PCDHA1: variants seen among roughly 807,000 people sequenced by gnomAD.
PCDHA1 encodes the protein protocadherin alpha-1.
A neutral mutation model predicts 61.3 loss-of-function variants in PCDHA1; 42 were observed. The ratio of observed to expected loss-of-function variants is 0.69; its 90% CI spans 0.54 to 0.89. The LOEUF is 0.89. Among genes scored for constraint, PCDHA1 ranks in the 40% least tolerant of loss-of-function variants. PCDHA1 has a pLI of 0.00. For synonymous variants in PCDHA1, 610 were observed against 553.8 expected, an observed-to-expected ratio of 1.10 and a Z score of -1.43; for missense variants, 1,256 against 1,235.3, an observed-to-expected ratio of 1.02 and a Z score of -0.25.
At chr5:140,986,019 G>A (rs562523452) in intron 3 of PCDHA1, among the ~76,000 whole-genome samples, 66 of 152,154 alleles carry the variant, frequency 4.3e-4, no homozygotes, top group Middle Eastern at 3.4e-3. Flanking sequence ...GATTACAGGC[G>A]TGAGCCACTG....
At chr5:140,967,652 T>A in intron 1 of PCDHA1, 1 of 1,614,152 alleles carries the variant, frequency 6.2e-7, no homozygotes, top group South Asian at 1.1e-5. Flanking sequence ...CAGGTACTCC[T>A]TGAGCAGCTA....
At chr5:140,828,370 G>A (rs2150154603) in intron 1 of PCDHA1, 1 of 1,614,292 alleles carries the variant, frequency 6.2e-7, no homozygotes, top group South Asian at 1.1e-5. Context: ...TCGACCGCGA[G>A]GAGCTGTGCG....
chr5:140,928,068 C>T (rs1554205429), intron 1 of PCDHA1: 2 of 1,614,214 alleles, frequency 1.2e-6, no homozygotes, highest in Non-Finnish European at 1.7e-6. Context: ...CTTCCTTTGA[C>T]AACTACTACA....
At chr5:140,954,864 G>A (rs2095103058) in intron 1 of PCDHA1, among the ~76,000 whole-genome samples, 1 of 152,074 alleles carries the variant, frequency 6.6e-6, no homozygotes, top group Admixed American at 6.5e-5. Context: ...TGTCCTGAAT[G>A]GTATTGCCTA....
chr5:140,830,374 G>T, intron 1 of PCDHA1: 2 of 1,614,156 alleles, frequency 1.2e-6, no homozygotes, highest in Non-Finnish European at 8.5e-7. Context: ...TGTGCTCCGG[G>T]GAGGGCCCAC....
intron 1 of PCDHA1, chr5:140,807,021 G>T: frequency 1.2e-6 from 1 of 820,400 alleles, no homozygotes; most frequent in Non-Finnish European, 1.9e-6. Flanking sequence ...ATACATGAGA[G>T]AAGGAGGAAG....
chr5:140,883,826 C>G, intron 1 of PCDHA1: 1 of 1,612,622 alleles, frequency 6.2e-7, no homozygotes, highest in South Asian at 1.1e-5. Context: ...GGTGTACGCG[C>G]TGCAGCCGTT....
intron 1 of PCDHA1, chr5:140,807,653 G>C: frequency 1.9e-6 from 3 of 1,614,186 alleles, no homozygotes; most frequent in Non-Finnish European, 2.5e-6. Flanking sequence ...TCCACTAGAG[G>C]GCGCCTCGGA....
At chr5:140,827,775 G>T (rs1350103739) in intron 1 of PCDHA1, among the ~76,000 whole-genome samples, 1 of 152,106 alleles carries the variant, frequency 6.6e-6, no homozygotes, top group Non-Finnish European at 1.5e-5. Flanking sequence ...AAAGAAGTCG[G>T]GATAACACTG....
intron 1 of PCDHA1, chr5:140,836,474 C>A: frequency 6.2e-7 from 1 of 1,613,830 alleles, no homozygotes; most frequent in Non-Finnish European, 8.5e-7. Context: ...TGGATGTCAA[C>A]GTGTACCTGA....
At chr5:140,925,938 T>C (rs1357099773) in intron 1 of PCDHA1, among the ~76,000 whole-genome samples, 1 of 138,492 alleles carries the variant, frequency 7.2e-6, no homozygotes, top group Non-Finnish European at 1.5e-5. Context: ...GTAGAGCCTC[T>C]TGGAGAAGGA....
intron 1 of PCDHA1, among the ~76,000 whole-genome samples, chr5:140,899,497 T>G (rs2067365308): frequency 6.6e-6 from 1 of 152,254 alleles, no homozygotes; most frequent in South Asian, 2.1e-4. Context: ...TTACATTTAT[T>G]GATTTGCATA....
chr5:140,853,604 G>C lies in PCDHA1; in HGVS notation c.2394+64920G>C, dbSNP rs557129583. On this transcript the variant is annotated intron_variant, in intron 1 of 3. Transcript: ENST00000504120. ...ATCTTAGACACTTTGAGAGCAAAGG[G>C]GGTGCTGTAAATAAGTATACAAGAT... The C allele has an allele frequency of 2.2e-5, 22 of 987,378 alleles. 2 individuals are homozygous for C. In the African/African-American group the frequency reaches 2.3e-4, roughly 10 times the overall value. 61.2% of individuals were successfully genotyped at this position (987,378 alleles called of 1,614,324 possible). A position where few individuals can be genotyped will look rare whatever the true frequency, so the allele number is the denominator to read the frequency against.
rs150205860 is a variant in PCDHA1 at position 140,883,142 on chromosome 5, G to T, written c.2394+94458G>T. The T allele has an allele frequency of 3.1e-6, 5 of 1,613,886 alleles. No individual in the cohort carries two copies. In the African/African-American group the frequency reaches 6.7e-5, roughly 22 times the overall value. On this transcript the variant is annotated intron_variant, in intron 1 of 3. Transcript: ENST00000504120. ...GCCTGTATGGCCTGCAGTGGTATAT[G>T]CATTTACCATAAATCCGAACAATGG...
intron 1 of PCDHA1, among the ~76,000 whole-genome samples, chr5:140,956,772 GT>G (rs2095308990): frequency 6.6e-6 from 1 of 152,202 alleles, no homozygotes; most frequent in African/African-American, 2.4e-5. Context: ...AATCTGTCTG[GT>G]CCTGGGCTTT....
At position 140,822,373 on chromosome 5, in the gene PCDHA1, G is replaced by A. The variant is rs2150115829; in HGVS notation, c.2394+33689G>A. 3 of 1,614,112 alleles carry A rather than the reference G, an allele frequency of 1.9e-6. No individual in the cohort carries two copies. Among genetic ancestry groups the A allele is most frequent in the Admixed American group, 3.3e-5 (2 of 60,034 alleles). ...AGAGCTGGTTTTGAGGAAATCCTTA[G>A]ATAGAGAAGAAACACAAGAACACCG... On this transcript the variant is annotated intron_variant, in intron 1 of 3. Transcript: ENST00000504120.
chr5:140,830,014 C>T (rs2150179616), intron 1 of PCDHA1: 3 of 1,613,898 alleles, frequency 1.9e-6, no homozygotes, highest in Non-Finnish European at 2.5e-6. Flanking sequence ...ACGAAGCGGA[C>T]TCTCCGCGCC....
Position 140,882,982 on chromosome 5 carries a change from C to T in PCDHA1, c.2394+94298C>T, listed in dbSNP as rs139888237. 2.9e-5 allele frequency: 47 copies of T among 1,614,148 alleles called. No individual in the cohort carries two copies. The East Asian group carries it at 3.6e-4, about 12-fold the overall frequency. On this transcript the variant is annotated intron_variant, in intron 1 of 3. Coordinates refer to ENST00000504120, the MANE Select transcript of PCDHA1 (RefSeq NM_018900.4). The stretch of plus-strand genomic sequence containing the variant: ...TCACGATTCTGGACGTGAATGACAA[C>T]GCCCCGGAATTTTACCAATCCGTTT...
rs138359227 is a variant in PCDHA1 at position 140,829,964 on chromosome 5, G to A, written c.2394+41280G>A. On this transcript the variant is annotated intron_variant, in intron 1 of 3. Coordinates refer to ENST00000504120, the MANE Select transcript of PCDHA1 (RefSeq NM_018900.4). ...CAGCGCTCGCTTCCCGTTTCGCGTG[G>A]GGCTGTACACGGGCGAGATCAGCAC... The A allele has an allele frequency of 5.0e-6, 8 of 1,613,888 alleles. No individual in the cohort carries two copies. The African/African-American group carries it at 1.1e-4, about 22-fold the overall frequency.
Sources: allele counts gnomAD v4.1 joint callset (sites outside exome capture counted in the v4.1 genomes callset), GRCh38; gene constraint gnomAD v4.1.1; transcripts MANE v1.5; gene names NCBI Gene and HGNC (gene_info 2026-07-23, HGNC 2026-07-21).